The following PCDHA1 variants were observed in gnomAD, a reference collection of about 807,000 sequenced individuals.
PCDHA1 encodes protocadherin alpha-1.
A neutral mutation model predicts 61.3 loss-of-function variants in PCDHA1; 42 were observed. The observed-to-expected ratio is 0.69, with a 90% CI of 0.54 to 0.89. The LOEUF (loss-of-function observed/expected upper bound fraction) is 0.89. PCDHA1 is among the 40% of genes least tolerant of loss of function. The pLI, the probability that PCDHA1 is intolerant of heterozygous loss-of-function variation, is 0.00. For missense variants in PCDHA1, 1,256 were observed against 1,235.3 expected, an observed-to-expected ratio of 1.02 and a Z score of -0.25; for synonymous variants, 610 against 553.8, an observed-to-expected ratio of 1.10 and a Z score of -1.43.
At chr5:140,883,927 G>A (rs781895204) in intron 1 of PCDHA1, 2 of 1,613,456 alleles carry the variant, frequency 1.2e-6, no homozygotes, top group South Asian at 1.1e-5. Flanking sequence ...CGCTGCAGGT[G>A]TTCGTGCTGG....
chr5:140,834,669 T>G (rs2150223867), intron 1 of PCDHA1: 1 of 1,614,208 alleles, frequency 6.2e-7, no homozygotes, highest in East Asian at 2.2e-5. Context: ...CGAGGAGCTG[T>G]GCGGGCGGAG....
chr5:140,923,804 A>G (rs782008903), intron 1 of PCDHA1, among the ~76,000 whole-genome samples: 30 of 152,222 alleles, frequency 2.0e-4, no homozygotes, highest in Admixed American at 3.9e-4. Flanking sequence ...CACAAATGAA[A>G]TCTTCTGAAA....
intron 3 of PCDHA1, among the ~76,000 whole-genome samples, chr5:140,996,747 T>C (rs940274322): frequency 1.3e-5 from 2 of 152,190 alleles, no homozygotes; most frequent in Non-Finnish European, 2.9e-5. Flanking sequence ...TAACAAATTA[T>C]ATCTGTGCAG....
rs782248457 is a variant in PCDHA1, at chr5:140,927,179, C to G, written c.2395-51770C>G. 8 of 1,614,050 alleles carry G rather than the reference C, an allele frequency of 5.0e-6. No individual in the cohort carries two copies. The South Asian group carries it at 8.8e-5, about 18-fold the overall frequency. ...AGGGCCAAAGCTGCCTGCGTCTTGA[C>G]CTACGACCTGGTGCTCGAGGACCCG... On this transcript the variant is annotated intron_variant, in intron 1 of 3. Transcript: ENST00000504120.
intron 1 of PCDHA1, chr5:140,816,763 G>A (rs1765984456): frequency 6.6e-6 from 1 of 151,982 alleles, no homozygotes; most frequent in Admixed American, 6.6e-5. Context: ...GGACTTGTGT[G>A]TATAATTCCT....
At chr5:140,924,049 T>C (rs1554201723) in intron 1 of PCDHA1, among the ~76,000 whole-genome samples, 1 of 152,254 alleles carries the variant, frequency 6.6e-6, no homozygotes, top group East Asian at 1.9e-4. Flanking sequence ...AAAAGTTCGG[T>C]ACATCTTTAC....
Position 140,836,712 on chromosome 5 carries a change from C to T in PCDHA1, c.2394+48028C>T, listed in dbSNP as rs2150268278. On this transcript the variant is annotated intron_variant, in intron 1 of 3. Transcript: ENST00000504120. Reference sequence around the variant, plus strand: ...CCTCATGGCCTTCAGTCCCAGCCTTCCTCAGGGTCCATCCTCTACAGACAA... The same window carrying T: ...CCTCATGGCCTTCAGTCCCAGCCTTTCTCAGGGTCCATCCTCTACAGACAA... 1.9e-6 allele frequency: 3 copies of T among 1,612,872 alleles called. 1 individual carries two copies. In the African/African-American group the frequency reaches 4.0e-5, roughly 22 times the overall value.
At chr5:140,812,247 A>T (rs189584389) in intron 1 of PCDHA1, 1 of 151,858 alleles carries the variant, frequency 6.6e-6, no homozygotes, top group Non-Finnish European at 1.5e-5. Context: ...GGTAGTTTGT[A>T]TGTTTCTAGG....
intron 1 of PCDHA1, chr5:140,808,622 G>A (rs1257156985): frequency 6.2e-7 from 1 of 1,613,710 alleles, no homozygotes; most frequent in Non-Finnish European, 8.5e-7. Flanking sequence ...CACTGTGTCT[G>A]CGTGGGACGC....
chr5:140,902,114 A>G (rs2069112413), intron 1 of PCDHA1, among the ~76,000 whole-genome samples: 1 of 151,286 alleles, frequency 6.6e-6, no homozygotes. Flanking sequence ...TTTTTTTAAA[A>G]CTGAGATTAT....
chr5:140,987,391 G>A (rs1277678841), intron 3 of PCDHA1, among the ~76,000 whole-genome samples: 1 of 152,140 alleles, frequency 6.6e-6, no homozygotes, highest in Non-Finnish European at 1.5e-5. Flanking sequence ...ATGCATGCAA[G>A]GAAGCCATCT....
Position 140,786,265 on chromosome 5 carries a change from C to A in PCDHA1, c.-26C>A. ...GCATGATTTTGAAGTAAGAGGAGAGCATAAGAAAGGTGTAGTCCTTTTGCA... is the reference window on the plus strand; with the variant it reads ...GCATGATTTTGAAGTAAGAGGAGAGAATAAGAAAGGTGTAGTCCTTTTGCA... On this transcript the variant is annotated 5_prime_UTR_variant, in exon 1 of 4. Coordinates refer to ENST00000504120, the MANE Select transcript of PCDHA1 (RefSeq NM_018900.4). 1 of 1,557,802 alleles carries A rather than the reference C, an allele frequency of 6.4e-7. No individual in the cohort carries two copies. The highest frequency in any genetic ancestry group is 2.2e-5 in the East Asian group (1 of 44,484).
In PCDHA1 at chr5:140,982,550, C is replaced by T. The variant is rs1554244485; in HGVS notation, c.2529C>T (p.Ser843=). ...CTGATCAGCAGTGGCCAACAGTATC[C>T]AGTGCAACACCAGGTAAAGAGCTGG... The part of the protein sequence containing the change: ...GGPDQQWPTV[S]SATPEPEAGE... The change falls in exon 3 of 4, where the codon TCC becomes TCT. Residue 843 remains serine, a synonymous_variant. Transcript: ENST00000504120. The T allele has an allele frequency of 6.2e-7, 1 of 1,614,176 alleles. No homozygotes were observed. The highest frequency in any genetic ancestry group is 1.7e-5 in the Admixed American group (1 of 60,028).
At chr5:140,967,357 T>C (rs782125763) in intron 1 of PCDHA1, 2 of 1,608,222 alleles carry the variant, frequency 1.2e-6, no homozygotes, top group Non-Finnish European at 1.7e-6. Context: ...AGCTGGACCT[T>C]AAGCCCCTGC....
intron 1 of PCDHA1, among the ~76,000 whole-genome samples, chr5:140,933,127 A>G (rs1311388252): frequency 6.6e-6 from 1 of 151,992 alleles, no homozygotes; most frequent in East Asian, 1.9e-4. Flanking sequence ...AAGCTAAATA[A>G]TAAAGGTAGA....
At chr5:140,885,832 T>C (rs888778134) in intron 1 of PCDHA1, among the ~76,000 whole-genome samples, 1 of 152,244 alleles carries the variant, frequency 6.6e-6, no homozygotes, top group South Asian at 2.1e-4. Flanking sequence ...TTCTTTGATT[T>C]ATCCATTAAG....
At chr5:140,943,349 T>C (rs1429038452) in intron 1 of PCDHA1, among the ~76,000 whole-genome samples, 1 of 147,572 alleles carries the variant, frequency 6.8e-6, no homozygotes, top group East Asian at 2.0e-4. Flanking sequence ...AGGATGAGAG[T>C]AGAGGAAAGG....
chr5:140,991,981 T>TACC (rs1311484629), intron 3 of PCDHA1, among the ~76,000 whole-genome samples: 8 of 152,126 alleles, frequency 5.3e-5, no homozygotes, highest in Admixed American at 2.0e-4. Flanking sequence ...TTATTCTGCC[T>TACC]ACCACCCGGT....
intron 1 of PCDHA1, among the ~76,000 whole-genome samples, chr5:140,885,351 G>T (rs2060569192): frequency 1.3e-5 from 2 of 152,052 alleles, no homozygotes; most frequent in Admixed American, 6.5e-5. Context: ...TTTCCAAAAG[G>T]TACTGGTGAC....
Sources: allele counts gnomAD v4.1 joint callset (sites outside exome capture counted in the v4.1 genomes callset), GRCh38; gene constraint gnomAD v4.1.1; transcripts MANE v1.5; gene names NCBI Gene and HGNC (gene_info 2026-07-23, HGNC 2026-07-21).